AGAP3: variants seen among roughly 807,000 people sequenced by gnomAD.
AGAP3 encodes arf-GAP with GTPase, ANK repeat and PH domain-containing protein 3.
In AGAP3, 24 loss-of-function variants were observed where a neutral mutation model predicts 96.9. The ratio of observed to expected loss-of-function variants is 0.25; its 90% CI spans 0.18 to 0.35. The LOEUF (loss-of-function observed/expected upper bound fraction) is 0.35. Ranked by LOEUF, AGAP3 falls within the 10% of genes least tolerant of loss-of-function variation. The probability of loss-of-function intolerance (pLI) is 1.00; values close to 1 mark genes in which losing one functional copy is unlikely to be tolerated. For synonymous variants in AGAP3, 563 were observed against 536.1 expected (o/e 1.05, Z -0.69); for missense variants, 876 against 1,254.2 (o/e 0.70, Z 4.55).
Position 151,118,055 on chromosome 7 carries a change from G to A in AGAP3, c.707-155G>A. On this transcript the variant is annotated intron_variant, in intron 5 of 17. Transcript: ENST00000397238. The surrounding 1 kb of genome is among the most constrained non-coding windows in gnomAD (Gnocchi z 6.1). The stretch of plus-strand genomic sequence containing the variant: ...GTTTGCACTCAGTGAGGCCATGGAA[G>A]GGTTGAAATGAGACCCAGGCACCCG... 6.7e-6 allele frequency: 7 copies of A among 1,045,746 alleles called. No individual in the cohort carries two copies. Among genetic ancestry groups the A allele is most frequent in the East Asian group, 2.6e-5 (1 of 38,456 alleles). The allele number at this position is 1,045,746 out of a possible 1,614,324, so 64.8% of individuals were successfully genotyped here. A position where few individuals can be genotyped will look rare whatever the true frequency, so the allele number is the denominator to read the frequency against.
chr7:151,114,580 C>T lies in AGAP3; in HGVS notation c.332-2213C>T. The T allele has an allele frequency of 2.3e-6, 1 of 432,048 alleles. No homozygotes were observed. Among genetic ancestry groups the T allele is most frequent in the Non-Finnish European group, 3.1e-6 (1 of 322,752 alleles). 26.8% of individuals were successfully genotyped at this position (432,048 alleles called of 1,614,324 possible). A position where few individuals can be genotyped will look rare whatever the true frequency, so the allele number is the denominator to read the frequency against. On this transcript the variant is annotated intron_variant, in intron 1 of 17. Transcript: ENST00000397238. The surrounding 1 kb of genome is among the most constrained non-coding windows in gnomAD (Gnocchi z 4.4). ...CAGGCCAGACTTGCCGCCTCTCTCT[C>T]CGGGCTGGGCTGACTCCCGGCCTCT... is the stretch of plus-strand genomic sequence containing the variant.
intron 1 of AGAP3, among the ~76,000 whole-genome samples, chr7:151,094,748 C>T (rs961836646): frequency 2.6e-5 from 4 of 151,984 alleles, no homozygotes; most frequent in Non-Finnish European, 5.9e-5. Context: ...CTCCTGGCCT[C>T]GAGTGATCTT....
At chr7:151,087,298 C>T in intron 1 of AGAP3, 1 of 574,824 alleles carries the variant, frequency 1.7e-6, no homozygotes. Flanking sequence ...GACTGTGTTC[C>T]AGGGCGCGAA....
rs1173564176 is a variant in AGAP3 at position 151,096,953 on chromosome 7, T to A, written c.331+9881T>A. On this transcript the variant is annotated intron_variant, in intron 1 of 17. Transcript: ENST00000397238. The surrounding 1 kb of genome is among the most constrained non-coding windows in gnomAD (Gnocchi z 4.4). ...GCACATGCCACCATGTCTGGCTAAT[T>A]TTTGTATTTTTTGTAGAGACGGGGT... Among the ~76,000 whole-genome samples, 2 of 151,850 alleles carry A rather than the reference T, an allele frequency of 1.3e-5. No individual in the cohort carries two copies. Among genetic ancestry groups the A allele is most frequent in the African/African-American group, 4.8e-5 (2 of 41,326 alleles).
Position 151,141,133 on chromosome 7 carries a change from T to A in AGAP3, c.1805-765T>A, listed in dbSNP as rs1242903401. The A allele has an allele frequency of 6.6e-6, 1 of 152,202 alleles. No individual in the cohort carries two copies. The highest frequency in any genetic ancestry group is 1.5e-5 in the Non-Finnish European group (1 of 68,060). 9.4% of individuals were successfully genotyped at this position (152,202 alleles called of 1,614,324 possible). A position where few individuals can be genotyped will look rare whatever the true frequency, so the allele number is the denominator to read the frequency against. Reference sequence around the variant, plus strand: ...TGTCTTTCCAGCCCCCAGGACACAGTCACACTGCTTGTTAGGAATTGTTCA... The same window carrying A: ...TGTCTTTCCAGCCCCCAGGACACAGACACACTGCTTGTTAGGAATTGTTCA... On this transcript the variant is annotated intron_variant, in intron 13 of 17. Coordinates refer to ENST00000397238, the MANE Select transcript of AGAP3 (RefSeq NM_031946.7). The surrounding 1 kb of genome is among the most constrained non-coding windows in gnomAD (Gnocchi z 4.2).
chr7:151,121,705 C>T (rs1183367485), intron 8 of AGAP3, among the ~76,000 whole-genome samples: 1 of 152,182 alleles, frequency 6.6e-6, no homozygotes, highest in Non-Finnish European at 1.5e-5. Context: ...CTGGCGCTTC[C>T]ATTCTCTCCA....
Position 151,118,664 on chromosome 7 carries a change from TC to T in AGAP3, c.969+36del. ...CCTGTGCCCCGCCCTGCCCTTCCTG[TC>T]CCCACCATGTCTGTCTTGCCTCTGT... On this transcript the variant is annotated intron_variant, in intron 7 of 17. Coordinates refer to ENST00000397238, the MANE Select transcript of AGAP3 (RefSeq NM_031946.7). The surrounding 1 kb of genome is among the most constrained non-coding windows in gnomAD (Gnocchi z 6.1). 4 of 1,604,288 alleles carry T rather than the reference TC, an allele frequency of 2.5e-6. No individual in the cohort carries two copies. The highest frequency in any genetic ancestry group is 3.4e-6 in the Non-Finnish European group (4 of 1,177,170).
At chr7:151,091,920 A>G (rs1380191161) in intron 1 of AGAP3, among the ~76,000 whole-genome samples, 2 of 151,700 alleles carry the variant, frequency 1.3e-5, no homozygotes, top group African/African-American at 4.8e-5. Context: ...AAACAGGATG[A>G]TGAAGATAAC....
At chr7:151,122,730 T>C in intron 8 of AGAP3, 2 of 1,613,890 alleles carry the variant, frequency 1.2e-6, no homozygotes, top group Non-Finnish European at 1.7e-6. Flanking sequence ...TGCAGATATG[T>C]GCCACTGTTT....
In AGAP3 at chr7:151,133,134, A is replaced by G. The variant is rs10252021; in HGVS notation, c.1327-1266A>G. Reference sequence around the variant, plus strand: ...GGAGGAGCGGCTTTATGTCCAATCAATGTAATTCAGTCAGAAGTTAAATCT... The same window carrying G: ...GGAGGAGCGGCTTTATGTCCAATCAGTGTAATTCAGTCAGAAGTTAAATCT... On this transcript the variant is annotated intron_variant, in intron 10 of 17. Coordinates refer to ENST00000397238, the MANE Select transcript of AGAP3 (RefSeq NM_031946.7). The surrounding 1 kb of genome is among the most constrained non-coding windows in gnomAD (Gnocchi z 5.4). Among the ~76,000 whole-genome samples the G allele has an allele frequency of 4.8e-3, 731 of 152,276 alleles. 2 individuals are homozygous for G. The highest frequency in any genetic ancestry group is 0.017 in the African/African-American group (687 of 41,542).
chr7:151,099,178 C>G (rs1233760066), intron 1 of AGAP3, among the ~76,000 whole-genome samples: 1 of 151,632 alleles, frequency 6.6e-6, no homozygotes, highest in Non-Finnish European at 1.5e-5. Context: ...CCCGTCTCTA[C>G]TAAAAATACA....
In AGAP3 at chr7:151,120,165, C is replaced by T. The variant is rs1208747598; in HGVS notation, c.1128+20C>T. On this transcript the variant is annotated intron_variant, in intron 8 of 17. Coordinates refer to ENST00000397238, the MANE Select transcript of AGAP3 (RefSeq NM_031946.7). ...TTCACGGTACGTGACTGCCCTCCTC[C>T]CCCGCCCAGCTGCCTTTGCTGCACA... 1 of 1,572,892 alleles carries T rather than the reference C, an allele frequency of 6.4e-7. No individual in the cohort carries two copies. The highest frequency in any genetic ancestry group is 1.4e-5 in the African/African-American group (1 of 73,612).
intron 1 of AGAP3, among the ~76,000 whole-genome samples, chr7:151,099,155 A>G (rs1184249673): frequency 6.6e-6 from 1 of 151,764 alleles, no homozygotes; most frequent in Non-Finnish European, 1.5e-5. Flanking sequence ...CATCCTGGCT[A>G]ACACAGTGAA....
At chr7:151,135,906 A>C (rs57324149) in intron 11 of AGAP3, among the ~76,000 whole-genome samples, 13,855 of 152,204 alleles carry the variant, frequency 0.091, 1,119 homozygotes, top group East Asian at 0.28. Flanking sequence ...CTTGAAGAGC[A>C]ATCTTCTTTC....
Position 151,118,174 on chromosome 7 carries a change from A to T in AGAP3, c.707-36A>T, listed in dbSNP as rs748953066. On this transcript the variant is annotated intron_variant, in intron 5 of 17. Transcript: ENST00000397238. This position sits in a 1 kb window ranked among gnomAD's most constrained non-coding sequence, Gnocchi z 6.1. ...CCACCACACTACCCCAGCTTCTCCGAAAGCTGAATGACTCCCGCCCTCCCA... is the reference window on the plus strand; with the variant it reads ...CCACCACACTACCCCAGCTTCTCCGTAAGCTGAATGACTCCCGCCCTCCCA... The T allele has an allele frequency of 6.3e-7, 1 of 1,580,466 alleles. No homozygotes were observed. Among genetic ancestry groups the T allele is most frequent in the Non-Finnish European group, 8.6e-7 (1 of 1,158,092 alleles).
rs1036424513 is a variant in AGAP3, at chr7:151,141,806, G to C, written c.1805-92G>C. 4 of 1,543,198 alleles carry C rather than the reference G, an allele frequency of 2.6e-6. No homozygotes were observed. The Admixed American group carries it at 6.7e-5, about 26-fold the overall frequency. On this transcript the variant is annotated intron_variant, in intron 13 of 17. Transcript: ENST00000397238. This position sits in a 1 kb window ranked among gnomAD's most constrained non-coding sequence, Gnocchi z 4.2. ...GGTCTAGGGGAGGACACTTGCCAGT[G>C]GAGCAGGGTAGTGAGTGGAGTTGTG...
At chr7:151,129,047 A>G (rs996704016) in intron 10 of AGAP3, among the ~76,000 whole-genome samples, 1 of 151,800 alleles carries the variant, frequency 6.6e-6, no homozygotes, top group African/African-American at 2.4e-5. Flanking sequence ...ATGGTGGAGG[A>G]CCAGGGCTGT....
chr7:151,099,204 A>G (rs898389981), intron 1 of AGAP3, among the ~76,000 whole-genome samples: 6 of 151,438 alleles, frequency 4.0e-5, no homozygotes, highest in Non-Finnish European at 8.8e-5. Flanking sequence ...TTAGCCGGGC[A>G]TGGTGGCGGG....
chr7:151,133,541 C>T lies in AGAP3; in HGVS notation c.1327-859C>T, dbSNP rs976049937. ...ACTTGAAAGCAGGGTGAGTCCCGGGCCCAGGACAGGCTGGAGGAAGCCTGC... is the reference window on the plus strand; with the variant it reads ...ACTTGAAAGCAGGGTGAGTCCCGGGTCCAGGACAGGCTGGAGGAAGCCTGC... On this transcript the variant is annotated intron_variant, in intron 10 of 17. Coordinates refer to ENST00000397238, the MANE Select transcript of AGAP3 (RefSeq NM_031946.7). This position sits in a 1 kb window ranked among gnomAD's most constrained non-coding sequence, Gnocchi z 5.4. Among the ~76,000 whole-genome samples, 3 of 151,836 alleles carry T rather than the reference C, an allele frequency of 2.0e-5. No individual in the cohort carries two copies. Among genetic ancestry groups the T allele is most frequent in the Admixed American group, 6.5e-5 (1 of 15,270 alleles).
Sources: allele counts gnomAD v4.1 joint callset (sites outside exome capture counted in the v4.1 genomes callset), GRCh38; gene constraint gnomAD v4.1.1; non-coding constraint Gnocchi (gnomAD v3.1); transcripts MANE v1.5; gene names NCBI Gene and HGNC (gene_info 2026-07-23, HGNC 2026-07-21).